The following DACH2 variants were observed in gnomAD, a reference collection of about 807,000 sequenced individuals.
DACH2 encodes dachshund family transcription factor 2, also known as dachshund homolog 2.
In DACH2, 17 loss-of-function variants were observed where a neutral mutation model predicts 35.8. The observed-to-expected ratio is 0.48, with a 90% CI of 0.33 to 0.71. The LOEUF is 0.71. Ranked by LOEUF, DACH2 falls within the 30% of genes least tolerant of loss-of-function variation. The pLI, the probability that DACH2 is intolerant of heterozygous loss-of-function variation, is 0.02. For missense variants in DACH2, 469 were observed against 472.7 expected (o/e 0.99, Z 0.07); for synonymous variants, 195 against 177.3 (o/e 1.10, Z -0.79).
intron 4 of DACH2, among the ~76,000 whole-genome samples, chrX:86,689,380 C>A (rs2040984318): frequency 9.0e-6 from 1 of 111,137 alleles, no homozygotes; most frequent in Non-Finnish European, 1.9e-5. Context: ...ACACTAAACC[C>A]TGAATTTGTG....
At chrX:86,741,098 G>A (rs1350210274) in intron 7 of DACH2, among the ~76,000 whole-genome samples, 1 of 111,573 alleles carries the variant, frequency 9.0e-6, no homozygotes, top group Non-Finnish European at 1.9e-5. Flanking sequence ...CAAGGGGGAA[G>A]TTCTTTAAGT....
chrX:86,375,566 G>A (rs954617650), intron 1 of DACH2, among the ~76,000 whole-genome samples: 1 of 106,455 alleles, frequency 9.4e-6, no homozygotes, highest in Non-Finnish European at 1.9e-5. Context: ...TCACTGACTT[G>A]GTGTGTATGA....
At chrX:86,478,284 A>C (rs2037879662) in intron 2 of DACH2, among the ~76,000 whole-genome samples, 1 of 111,735 alleles carries the variant, frequency 8.9e-6, no homozygotes, top group Non-Finnish European at 1.9e-5. Context: ...CGTGCAGGAC[A>C]GGTCTGGTGT....
rs185447348 is a variant in DACH2 at position 86,604,514 on chromosome X, T to C, written c.641-46522T>C. On this transcript the variant is annotated intron_variant, in intron 3 of 11. Transcript: ENST00000373125. ...GCATTTTGATTTAGATCATAGATTATTTTGAGTGTTTGCATATTAGAAGAC... is the reference window on the plus strand; with the variant it reads ...GCATTTTGATTTAGATCATAGATTACTTTGAGTGTTTGCATATTAGAAGAC... Among the ~76,000 whole-genome samples, 729 of 112,075 alleles carry C rather than the reference T, an allele frequency of 6.5e-3. 13 individuals carry two copies. Among genetic ancestry groups the C allele is most frequent in the Admixed American group, 0.053 (560 of 10,558 alleles).
intron 2 of DACH2, among the ~76,000 whole-genome samples, chrX:86,423,589 A>G (rs1399214668): frequency 1.8e-5 from 2 of 108,337 alleles, no homozygotes; most frequent in Non-Finnish European, 3.8e-5. Context: ...GGTAGTTTGC[A>G]GATATTTTCT....
intron 1 of DACH2, among the ~76,000 whole-genome samples, chrX:86,295,585 C>G (rs1032461615): frequency 2.7e-5 from 3 of 111,300 alleles, no homozygotes; most frequent in African/African-American, 9.8e-5. Context: ...TGTGGGAACT[C>G]AAGTTTGGAC....
intron 1 of DACH2, among the ~76,000 whole-genome samples, chrX:86,283,869 T>TACACACACACACAC (rs780423253): frequency 5.5e-5 from 3 of 55,011 alleles, no homozygotes; most frequent in African/African-American, 3.2e-4. Flanking sequence ...ACTTAAAGTA[T>TACACACACACACAC]ATACACACAC....
intron 2 of DACH2, among the ~76,000 whole-genome samples, chrX:86,407,681 T>A (rs1479085175): frequency 3.6e-5 from 4 of 112,256 alleles, no homozygotes; most frequent in Non-Finnish European, 7.5e-5. Flanking sequence ...GTGATGCAGA[T>A]TTTTTTAAGG....
intron 1 of DACH2, among the ~76,000 whole-genome samples, chrX:86,283,756 TAGG>T (rs1221163220): frequency 9.2e-6 from 1 of 108,696 alleles, no homozygotes; most frequent in Non-Finnish European, 1.9e-5. Flanking sequence ...GGGATAGCAT[TAGG>T]AGAAATACCT....
chrX:86,711,390 T>A (rs2041277927), intron 5 of DACH2, among the ~76,000 whole-genome samples: 1 of 111,065 alleles, frequency 9.0e-6, no homozygotes, highest in African/African-American at 3.3e-5. Context: ...AAAAAATAAA[T>A]AAATAAAAAA....
intron 3 of DACH2, among the ~76,000 whole-genome samples, chrX:86,538,401 T>C (rs1355930784): frequency 8.9e-6 from 1 of 112,088 alleles, no homozygotes; most frequent in Non-Finnish European, 1.9e-5. Flanking sequence ...AATTACCCAG[T>C]TCCAAATCTT....
At position 86,832,093 on chromosome X, in the gene DACH2, C is replaced by CTTTT; in HGVS notation, c.1751-7_1751-4dup. On this transcript the variant is annotated splice_polypyrimidine_tract_variant and intron_variant, in intron 11 of 11. Coordinates refer to ENST00000373125, the MANE Select transcript of DACH2 (RefSeq NM_053281.3). The stretch of plus-strand genomic sequence containing the variant: ...CTCTTCATAAGAACTAACTTGTTTT[C>CTTTT]TTTTTTTTTAAGGAGGTAACTATTA... The CTTTT allele has an allele frequency of 9.1e-7, 1 of 1,104,302 alleles. No homozygotes were observed. The allele number at this position is 1,104,302 out of a possible 1,213,427, so 91.0% of individuals were successfully genotyped here.
At chrX:86,794,263 T>C (rs2042214608) in intron 7 of DACH2, among the ~76,000 whole-genome samples, 1 of 110,702 alleles carries the variant, frequency 9.0e-6, no homozygotes, top group Non-Finnish European at 1.9e-5. Context: ...GTATACAGCT[T>C]TGAAAGCGTA....
At position 86,800,756 on chromosome X, in the gene DACH2, G is replaced by A. The variant is rs781072115; in HGVS notation, c.1241-12100G>A. ...GTGATATCGGCACACTGCAACCTTC[G>A]CCTTCTGGGTTCAAGCGATTCTCCT... On this transcript the variant is annotated intron_variant, in intron 7 of 11. Transcript: ENST00000373125. Among the ~76,000 whole-genome samples the A allele has an allele frequency of 2.7e-5, 3 of 111,084 alleles. No individual in the cohort carries two copies. The South Asian group carries it at 1.1e-3, about 42-fold the overall frequency.
intron 1 of DACH2, among the ~76,000 whole-genome samples, chrX:86,332,018 T>A (rs2035222738): frequency 8.9e-6 from 1 of 111,989 alleles, no homozygotes; most frequent in East Asian, 2.8e-4. Flanking sequence ...TAATACTTGG[T>A]TAACCTGAAA....
chrX:86,408,137 TGA>T (rs2036554472), intron 2 of DACH2, among the ~76,000 whole-genome samples: 1 of 111,636 alleles, frequency 9.0e-6, no homozygotes, highest in Non-Finnish European at 1.9e-5. Context: ...TATTAAATGG[TGA>T]GAGATTCTCA....
chrX:86,648,612 C>G (rs1282070440), intron 3 of DACH2, among the ~76,000 whole-genome samples: 1 of 110,556 alleles, frequency 9.0e-6, no homozygotes, highest in East Asian at 2.8e-4. Flanking sequence ...GTACTGAAGA[C>G]TAAACAAATA....
At chrX:86,807,963 T>C (rs1181649947) in intron 7 of DACH2, among the ~76,000 whole-genome samples, 1 of 111,947 alleles carries the variant, frequency 8.9e-6, no homozygotes, top group East Asian at 2.8e-4. Context: ...GAACACCTAA[T>C]ATCACGTGGA....
intron 1 of DACH2, among the ~76,000 whole-genome samples, chrX:86,281,260 T>G (rs971316358): frequency 1.3e-4 from 15 of 111,346 alleles, no homozygotes; most frequent in Admixed American, 1.3e-3. Context: ...AATAAAATAC[T>G]GGCAAACCAA....
Sources: gnomAD v4.1 joint callset for allele counts (sites outside exome capture counted in the v4.1 genomes callset) on GRCh38, gnomAD v4.1.1 for gene constraint, MANE v1.5 for transcripts, NCBI Gene and HGNC (gene_info 2026-07-23, HGNC 2026-07-21) for gene names.